Variants in DCXR observed in about 807,000 individuals in gnomAD.
DCXR encodes the protein L-xylulose reductase.
A neutral mutation model predicts 25.9 loss-of-function variants in DCXR; 24 were observed. The ratio of observed to expected loss-of-function variants is 0.93; its 90% CI spans 0.67 to 1.30. The LOEUF is 1.30. DCXR is among the 50% of genes most tolerant of loss of function. DCXR has a pLI of 0.00. For synonymous variants in DCXR, 161 were observed against 141.7 expected, an observed-to-expected ratio of 1.14 and a Z score of -0.97; for missense variants, 348 against 333.7, an observed-to-expected ratio of 1.04 and a Z score of -0.33.
At chr17:82,037,572 G>A in intron 1 of DCXR, 25 bp from the exon 2 acceptor site, 1 of 1,544,606 alleles carries the variant, frequency 6.5e-7, no homozygotes, top group Non-Finnish European at 8.7e-7. Flanking sequence ...CTCAGTGAAG[G>A]CGTCCCCTGC....
At chr17:82,037,138 T>A (rs1598461809) in intron 2 of DCXR, 125 bp from the exon 3 acceptor site, 12 of 1,285,368 alleles carry the variant, frequency 9.3e-6, no homozygotes, top group Middle Eastern at 2.6e-4. Context: ...GTGTCGGGAC[T>A]GTGGGGCCAG....
Position 82,036,743 on chromosome 17 carries a change from C to T in DCXR, c.326G>A (p.Arg109His), listed in dbSNP as rs557076879. 12 of 1,613,668 alleles carry T rather than the reference C, an allele frequency of 7.4e-6. No homozygotes were observed. The highest frequency in any genetic ancestry group is 5.0e-5 in the Admixed American group (3 of 60,028). ...AFDRSFEVNL[R>H]AVIQVSQIVA... Reference sequence around the variant, plus strand: ...CACCTGCGACACCTGGATGACCGCACGCAGGTTCACCTCAAAGGATCTAGA... The same window carrying T: ...CACCTGCGACACCTGGATGACCGCATGCAGGTTCACCTCAAAGGATCTAGA... The change falls in exon 4 of 8, where the codon CGT becomes CAT. Residue 109 changes from arginine to histidine, a missense_variant. Physicochemically the swap from Arg to His is conservative, Grantham distance 29. Transcript: ENST00000306869.
At chr17:82,037,238 T>G (rs2043502954) in intron 2 of DCXR, 1 of 841,830 alleles carries the variant, frequency 1.2e-6, no homozygotes, top group African/African-American at 1.7e-5. Context: ...TTCGGCCTCT[T>G]TCTGAGCCCG....
At chr17:82,037,295 C>T in intron 2 of DCXR, 155 bp downstream of exon 2, 1 of 1,003,544 alleles carries the variant, frequency 1.0e-6, no homozygotes, top group Non-Finnish European at 1.4e-6. Flanking sequence ...ACGCAGGCCA[C>T]CAGCCCCGAG....
intron 2 of DCXR, 141 bp from the exon 3 acceptor site, chr17:82,037,154 G>A (rs909896486): frequency 2.7e-6 from 3 of 1,129,684 alleles, no homozygotes; most frequent in Admixed American, 2.2e-5. Flanking sequence ...GCCAGCAGCC[G>A]GGCGCTACCT....
chr17:82,037,483 C>A lies in DCXR; in HGVS notation c.117G>T (p.Arg39=). 3 of 1,536,408 alleles carry A rather than the reference C, an allele frequency of 2.0e-6. No individual in the cohort carries two copies. The highest frequency in any genetic ancestry group is 1.2e-5 in the South Asian group (1 of 83,972). The part of the protein sequence containing the change: ...ATGARVVAVS[R]TQADLDSLVR... ...CAAGGCTGTCAAGATCCGCCTGAGT[C>A]CGGCTCACAGCCACCACCCGCGCGC... Residue 39 remains arginine, a synonymous_variant, in exon 2 of 8, where the codon CGG becomes CGT. Transcript: ENST00000306869.
chr17:82,036,775 G>C lies in DCXR; in HGVS notation c.306-12C>G. 6.2e-7 allele frequency: 1 copy of C among 1,613,556 alleles called. No individual in the cohort carries two copies. Among genetic ancestry groups the C allele is most frequent in the Non-Finnish European group, 8.5e-7 (1 of 1,180,010 alleles). On this transcript the variant is annotated splice_polypyrimidine_tract_variant and intron_variant, in intron 3 of 7. Transcript: ENST00000306869. Reference sequence around the variant, plus strand: ...TCACCTCAAAGGATCTAGAGGCCGAGGGACAGACCCTGGTCAGAGATTAGG... The same window carrying C: ...TCACCTCAAAGGATCTAGAGGCCGACGGACAGACCCTGGTCAGAGATTAGG...
intron 2 of DCXR, 163 bp downstream of exon 2, chr17:82,037,287 G>A (rs557538172): frequency 8.3e-6 from 8 of 960,288 alleles, no homozygotes; most frequent in Middle Eastern, 3.4e-4. Context: ...GGCCGCCCAC[G>A]CAGGCCACCA....
intron 5 of DCXR, 35 bp from the exon 6 acceptor site, chr17:82,036,483 G>T: frequency 6.2e-7 from 1 of 1,613,188 alleles, no homozygotes. Context: ...TGGGGCTGGG[G>T]TCGGTGATGA....
rs1307437604 is a variant in DCXR at position 82,037,515 on chromosome 17, C to T, written c.85G>A (p.Ala29Thr). 8 of 1,541,918 alleles carry T rather than the reference C, an allele frequency of 5.2e-6. No homozygotes were observed. The Admixed American group carries it at 5.7e-5, about 11-fold the overall frequency. ...IGRGTVQALH[A>T]TGARVVAVSR... ...ACAGCCACCACCCGCGCGCCCGTCG[C>T]GTGCAGCGCCTGGACCGTGCCGCGC... Residue 29 changes from alanine to threonine, a missense_variant, in exon 2 of 8, where the codon GCG (alanine) becomes ACG (threonine). Physicochemically the swap from Ala to Thr is moderately conservative, Grantham distance 58. Coordinates refer to ENST00000306869, the MANE Select transcript of DCXR (RefSeq NM_016286.4).
At chr17:82,037,330 G>A (rs2144170704) in intron 2 of DCXR, 120 bp downstream of exon 2, 8 of 1,164,248 alleles carry the variant, frequency 6.9e-6, no homozygotes, top group Admixed American at 3.3e-5. Context: ...CGCCCAGGCC[G>A]CGGTGAGAAG....
Position 82,036,800 on chromosome 17 carries a change from G to A in DCXR, c.306-37C>T. On this transcript the variant is annotated intron_variant, in intron 3 of 7. Coordinates refer to ENST00000306869, the MANE Select transcript of DCXR (RefSeq NM_016286.4). ...GGGACAGACCCTGGTCAGAGATTAG[G>A]GCTGCTGCGTCCTCCAGGACAGCCC... 4 of 1,613,476 alleles carry A rather than the reference G, an allele frequency of 2.5e-6. No homozygotes were observed. The South Asian group carries it at 4.4e-5, about 18-fold the overall frequency.
chr17:82,037,247 C>A, intron 2 of DCXR: 1 of 843,640 alleles, frequency 1.2e-6, no homozygotes. Flanking sequence ...TTTCTGAGCC[C>A]GGGGGCCCCG....
chr17:82,036,165 G>A (rs376667940), intron 7 of DCXR, 26 bp downstream of exon 7: 65 of 1,609,380 alleles, frequency 4.0e-5, no homozygotes, highest in Non-Finnish European at 5.2e-5. Flanking sequence ...CTGGCACCAC[G>A]CTGGCTGGGC....
chr17:82,036,475 G>C (rs1408202904), intron 5 of DCXR, 27 bp from the exon 6 acceptor site: 1 of 1,613,346 alleles, frequency 6.2e-7, no homozygotes, highest in African/African-American at 1.3e-5. Flanking sequence ...AAGCTGGCTG[G>C]GGCTGGGGTC....
chr17:82,036,312 C>T lies in DCXR; in HGVS notation c.514-4G>A, dbSNP rs1356345558. The stretch of plus-strand genomic sequence containing the variant: ...GGTTTACTGCATTCACTCGGATCTA[C>T]ACCGGGACAGCTGGGGTCAGCAGGG... On this transcript the variant is annotated splice_polypyrimidine_tract_variant and splice_region_variant and intron_variant, in intron 6 of 7. Transcript: ENST00000306869. 2 of 1,613,406 alleles carry T rather than the reference C, an allele frequency of 1.2e-6. No homozygotes were observed. The highest frequency in any genetic ancestry group is 1.7e-6 in the Non-Finnish European group (2 of 1,180,020).
chr17:82,036,129 C>T (rs767288563), intron 7 of DCXR, 62 bp downstream of exon 7: 2 of 1,607,662 alleles, frequency 1.2e-6, no homozygotes, highest in East Asian at 2.2e-5. Context: ...CCCTCCCACC[C>T]CTACCCAGGG....
rs945418632 is a variant in DCXR at position 82,036,950 on chromosome 17, C to T, written c.214G>A (p.Gly72Ser). The stretch of plus-strand genomic sequence containing the variant: ...AGCAGGTCCACGGGGCCCACGCTGC[C>T]CAGCGCCCGCTCGGTGGCCTCCCAG... ...GDWEATERALGSVGPVDLLVN... is the reference protein window; with the variant it reads ...GDWEATERALSSVGPVDLLVN... The change falls in exon 3 of 8, where the codon GGC (glycine) becomes AGC (serine). Residue 72 changes from glycine to serine, a missense_variant. Transcript: ENST00000306869. 1.9e-6 allele frequency: 3 copies of T among 1,603,982 alleles called. No individual in the cohort carries two copies. In the Admixed American group the frequency reaches 5.1e-5, roughly 27 times the overall value.
chr17:82,036,552 C>G lies in DCXR; in HGVS notation c.440G>C (p.Ser147Thr). Residue 147 changes from serine to threonine, a missense_variant, in exon 5 of 8, where the codon AGC (serine) becomes ACC (threonine). Ser to Thr is a moderately conservative substitution (Grantham distance 58, BLOSUM62 1). Transcript: ENST00000306869. ...QCSQRAVTNH[S>T]VYCSTKGALD... ...ACAGCTGGGGCACTCACAGTAGACG[C>G]TATGGTTAGTTACTGCCCGCTGGGA... 1.2e-6 allele frequency: 2 copies of G among 1,613,076 alleles called. No individual in the cohort carries two copies. Among genetic ancestry groups the G allele is most frequent in the Non-Finnish European group, 1.7e-6 (2 of 1,179,970 alleles).
Sources: gnomAD v4.1 joint callset for allele counts on GRCh38, gnomAD v4.1.1 for gene constraint, MANE v1.5 for transcripts, NCBI Gene and HGNC (gene_info 2026-07-23, HGNC 2026-07-21) for gene names.